The following TTLL5 variants were observed in gnomAD, a reference collection of about 807,000 sequenced individuals.
TTLL5 encodes the protein tubulin tyrosine ligase like 5.
In TTLL5, 132 loss-of-function variants were observed where a neutral mutation model predicts 168.4. The observed-to-expected ratio is 0.78, with a 90% CI of 0.68 to 0.91. The LOEUF (loss-of-function observed/expected upper bound fraction) is 0.91. Ranked by LOEUF, TTLL5 falls within the 40% of genes least tolerant of loss-of-function variation. TTLL5 has a pLI of 0.00. For missense variants in TTLL5, 1,545 were observed against 1,581.5 expected (o/e 0.98, Z 0.39); for synonymous variants, 546 against 558.6 (o/e 0.98, Z 0.32).
intron 12 of TTLL5, among the ~76,000 whole-genome samples, chr14:75,723,505 T>C (rs1594927814): frequency 6.6e-6 from 1 of 152,204 alleles, no homozygotes; most frequent in Non-Finnish European, 1.5e-5. Context: ...TTTATTTTTC[T>C]ACATCTACTT....
chr14:75,904,121 T>C, intron 31 of TTLL5: 3 of 1,258,010 alleles, frequency 2.4e-6, no homozygotes, highest in Non-Finnish European at 3.1e-6. Flanking sequence ...ATGATAGGAG[T>C]ATAAGGATGT....
chr14:75,679,149 T>A (rs1450231436), intron 3 of TTLL5, among the ~76,000 whole-genome samples: 1 of 152,166 alleles, frequency 6.6e-6, no homozygotes, highest in African/African-American at 2.4e-5. Context: ...TGAATTAAGG[T>A]TTAGATGGAA....
intron 12 of TTLL5, among the ~76,000 whole-genome samples, chr14:75,726,580 G>A (rs535495799): frequency 1.3e-5 from 2 of 152,202 alleles, no homozygotes; most frequent in Non-Finnish European, 2.9e-5. Context: ...AGGTGCTCTA[G>A]GAATATATAA....
chr14:75,948,802 T>A (rs1483832967), intron 31 of TTLL5, among the ~76,000 whole-genome samples: 1 of 152,210 alleles, frequency 6.6e-6, no homozygotes. Context: ...TGTGAATAAC[T>A]TTATGATGAC....
intron 31 of TTLL5, among the ~76,000 whole-genome samples, chr14:75,952,304 A>G (rs2034985673): frequency 6.6e-6 from 1 of 152,088 alleles, no homozygotes; most frequent in African/African-American, 2.4e-5. Flanking sequence ...ACGAGACCCC[A>G]TCTGCACCAA....
intron 31 of TTLL5, among the ~76,000 whole-genome samples, chr14:75,952,859 G>A (rs1239651024): frequency 6.6e-6 from 1 of 152,214 alleles, no homozygotes; most frequent in Non-Finnish European, 1.5e-5. Flanking sequence ...ATAGCTGAGG[G>A]ATGAGAGATG....
chr14:75,950,109 A>G (rs28701893), intron 31 of TTLL5, among the ~76,000 whole-genome samples: 1,632 of 152,272 alleles, frequency 0.011, 30 homozygotes, highest in African/African-American at 0.038. Context: ...AAATAGAGAA[A>G]CCTAAAACTG....
Position 75,774,796 on chromosome 14 carries a change from C to A in TTLL5, c.2137-688C>A, listed in dbSNP as rs138546286. Among the ~76,000 whole-genome samples, 504 of 152,232 alleles carry A rather than the reference C, an allele frequency of 3.3e-3. 4 individuals carry two copies. The highest frequency in any genetic ancestry group is 0.011 in the African/African-American group (470 of 41,546). ...CTCCACCTCCTGGGTTCAAGTGATT[C>A]TCATACCTCAGCCTCCCAAGTAGCG... is the stretch of plus-strand genomic sequence containing the variant. On this transcript the variant is annotated intron_variant, in intron 21 of 31. Transcript: ENST00000298832.
chr14:75,866,060 A>G (rs1179726163), intron 29 of TTLL5, among the ~76,000 whole-genome samples: 4 of 152,246 alleles, frequency 2.6e-5, no homozygotes, highest in African/African-American at 7.2e-5. Context: ...AAGTAACTAA[A>G]TTCCATTAGC....
At chr14:75,854,359 T>C (rs1172500909) in intron 28 of TTLL5, among the ~76,000 whole-genome samples, 1 of 152,242 alleles carries the variant, frequency 6.6e-6, no homozygotes, top group Non-Finnish European at 1.5e-5. Context: ...ATATTAGCAG[T>C]TCATTCGTTT....
intron 31 of TTLL5, among the ~76,000 whole-genome samples, chr14:75,919,115 T>G (rs2033725249): frequency 6.9e-6 from 1 of 144,576 alleles, no homozygotes; most frequent in African/African-American, 2.6e-5. Flanking sequence ...GCAGGAGAAT[T>G]GCTTCAACCA....
At chr14:75,794,374 T>C (rs1283727982) in intron 27 of TTLL5, among the ~76,000 whole-genome samples, 4 of 150,980 alleles carry the variant, frequency 2.6e-5, no homozygotes, top group Non-Finnish European at 4.4e-5. Context: ...ATTGGGTCAC[T>C]AACTAGATTA....
intron 13 of TTLL5, among the ~76,000 whole-genome samples, chr14:75,732,869 C>T (rs1194916237): frequency 1.3e-5 from 2 of 152,134 alleles, no homozygotes; most frequent in Admixed American, 6.5e-5. Context: ...TAAAGTCATC[C>T]AAGTTTAAAG....
At chr14:75,869,922 C>T (rs890785695) in intron 29 of TTLL5, among the ~76,000 whole-genome samples, 94 of 148,192 alleles carry the variant, frequency 6.3e-4, no homozygotes, top group Non-Finnish European at 7.7e-4. Flanking sequence ...CGGGTTCAAG[C>T]GATTCCCCTG....
chr14:75,795,098 C>A (rs1240374554), intron 27 of TTLL5, among the ~76,000 whole-genome samples: 1 of 152,120 alleles, frequency 6.6e-6, no homozygotes, highest in African/African-American at 2.4e-5. Flanking sequence ...TCTTCTGACA[C>A]TGACTAGCTG....
At position 75,793,001 on chromosome 14, in the gene TTLL5, C is replaced by T; in HGVS notation, c.3072C>T (p.Tyr1024=). Residue 1024 remains tyrosine (Y), a synonymous_variant, in exon 27 of 32, where the codon TAC becomes TAT. Coordinates refer to ENST00000298832, the MANE Select transcript of TTLL5 (RefSeq NM_015072.5). Reference sequence around the variant, plus strand: ...ATGCTTCTTTATATAGCAAACGGTACAACCAAAGTATGGTTACAGCTGAAC... The same window carrying T: ...ATGCTTCTTTATATAGCAAACGGTATAACCAAAGTATGGTTACAGCTGAAC... The part of the protein sequence containing the change: ...GEDASLYSKR[Y]NQSMVTAELQ... The T allele has an allele frequency of 6.2e-7, 1 of 1,613,810 alleles. No homozygotes were observed. Among genetic ancestry groups the T allele is most frequent in the Non-Finnish European group, 8.5e-7 (1 of 1,179,784 alleles).
chr14:75,816,974 A>ATTTTTTTTTTTTTTTTTTTTT (rs35736530), intron 27 of TTLL5, among the ~76,000 whole-genome samples: 4 of 96,086 alleles, frequency 4.2e-5, no homozygotes, highest in African/African-American at 8.4e-5. Flanking sequence ...TCCCTGTCTT[A>ATTTTTTTTTTTTTTTTTTTTT]TTTTTTTTTT....
chr14:75,868,744 TA>T (rs1320943676), intron 29 of TTLL5, among the ~76,000 whole-genome samples: 5 of 152,106 alleles, frequency 3.3e-5, no homozygotes, highest in Non-Finnish European at 7.4e-5. Context: ...TGCACGTGTC[TA>T]AAAAAATTCT....
intron 28 of TTLL5, among the ~76,000 whole-genome samples, chr14:75,862,514 A>G (rs1192777321): frequency 6.6e-6 from 1 of 152,192 alleles, no homozygotes; most frequent in Non-Finnish European, 1.5e-5. Flanking sequence ...TTTTGTTTTA[A>G]TAATAGCCAA....
Sources: gnomAD v4.1 joint callset for allele counts (sites outside exome capture counted in the v4.1 genomes callset) on GRCh38, gnomAD v4.1.1 for gene constraint, MANE v1.5 for transcripts, NCBI Gene and HGNC (gene_info 2026-07-23, HGNC 2026-07-21) for gene names.